HDX: variants seen among roughly 807,000 people sequenced by gnomAD.
The protein encoded by HDX is highly divergent homeobox, also known as chromosome X open reading frame 43.
A neutral mutation model predicts 45.2 loss-of-function variants in HDX; 19 were observed. The observed-to-expected ratio is 0.42, with a 90% confidence interval of 0.29 to 0.62. The LOEUF is 0.62. Ranked by LOEUF, HDX falls within the 20% of genes least tolerant of loss-of-function variation. HDX has a pLI of 0.20. For synonymous variants in HDX, 188 were observed against 172.8 expected, an observed-to-expected ratio of 1.09 and a Z score of -0.69; for missense variants, 532 against 493.9, an observed-to-expected ratio of 1.08 and a Z score of -0.73.
chrX:84,372,596 A>G (rs1349010170), intron 5 of HDX, among the ~76,000 whole-genome samples: 3 of 112,166 alleles, frequency 2.7e-5, no homozygotes, highest in South Asian at 3.6e-4. Context: ...ATCTCATTGC[A>G]TTGTGTAAGT....
intron 5 of HDX, among the ~76,000 whole-genome samples, chrX:84,379,669 A>T (rs1423981673): frequency 1.8e-5 from 2 of 111,302 alleles, no homozygotes; most frequent in South Asian, 3.7e-4. Context: ...AAACTTTAAA[A>T]TTTTTTTGAA....
rs1041337416 is a variant in HDX, at chrX:84,317,922, A to T, written c.*3967T>A. 9.0e-6 allele frequency: 1 copy of T among 110,726 alleles called. No individual in the cohort carries two copies. Among genetic ancestry groups the T allele is most frequent in the Non-Finnish European group, 1.9e-5 (1 of 52,548 alleles). 9.1% of individuals were successfully genotyped at this position (110,726 alleles called of 1,213,427 possible). ...TGCCTCTATAAAAGTTTAAATAAAAACTCTACAAAAATTCACATTACAGTC... is the reference window on the plus strand; with the variant it reads ...TGCCTCTATAAAAGTTTAAATAAAATCTCTACAAAAATTCACATTACAGTC... On this transcript the variant is annotated 3_prime_UTR_variant, in exon 11 of 11. Transcript: ENST00000373177.
At chrX:84,443,411 A>G (rs540803037) in intron 4 of HDX, among the ~76,000 whole-genome samples, 2 of 111,975 alleles carry the variant, frequency 1.8e-5, no homozygotes, top group East Asian at 5.6e-4. Flanking sequence ...AAACTATGAA[A>G]TAAATCTTCA....
At chrX:84,453,862 T>C (rs896385366) in intron 4 of HDX, among the ~76,000 whole-genome samples, 9 of 111,834 alleles carry the variant, frequency 8.0e-5, no homozygotes, top group Non-Finnish European at 1.5e-4. Context: ...GAAGACTTTG[T>C]CTTGCAACTT....
chrX:84,444,003 A>G (rs766198253), intron 4 of HDX, among the ~76,000 whole-genome samples: 2 of 111,629 alleles, frequency 1.8e-5, no homozygotes, highest in South Asian at 7.4e-4. Flanking sequence ...AAACTGTTAA[A>G]TGTCACAAGG....
chrX:84,436,522 G>A (rs1170443129), intron 5 of HDX, among the ~76,000 whole-genome samples: 6 of 111,566 alleles, frequency 5.4e-5, no homozygotes, highest in Admixed American at 4.7e-4. Flanking sequence ...GGTATGTTGT[G>A]TTTCTATTTT....
intron 5 of HDX, among the ~76,000 whole-genome samples, chrX:84,375,333 G>T: frequency 1.8e-5 from 2 of 110,681 alleles, no homozygotes. Flanking sequence ...GGAAGTCAGT[G>T]TGGCGATTCC....
Position 84,321,719 on chromosome X carries a change from T to C in HDX, c.*170A>G, listed in dbSNP as rs2036600348. 3.3e-6 allele frequency: 1 copy of C among 302,621 alleles called. No homozygotes were observed. Among genetic ancestry groups the C allele is most frequent in the Non-Finnish European group, 5.9e-6 (1 of 169,210 alleles). 24.9% of individuals were successfully genotyped at this position (302,621 alleles called of 1,213,427 possible). On this transcript the variant is annotated 3_prime_UTR_variant, in exon 11 of 11. Transcript: ENST00000373177. ...ACAATGCTTTTAAATTTCACCTACA[T>C]TTTTGTTGCACTGTAGCCATTATAT...
chrX:84,443,067 G>A (rs2039796795), intron 4 of HDX, among the ~76,000 whole-genome samples: 1 of 109,820 alleles, frequency 9.1e-6, no homozygotes, highest in South Asian at 3.7e-4. Context: ...TTTGGAAGAA[G>A]TTTCACTTTT....
At chrX:84,498,137 G>A (rs2041047145) in intron 1 of HDX, among the ~76,000 whole-genome samples, 1 of 111,434 alleles carries the variant, frequency 9.0e-6, no homozygotes, top group Admixed American at 9.5e-5. Context: ...GACACCTTTT[G>A]TGAAACAAAA....
At chrX:84,338,922 C>A (rs1373948925) in intron 7 of HDX, among the ~76,000 whole-genome samples, 1 of 111,284 alleles carries the variant, frequency 9.0e-6, no homozygotes, top group African/African-American at 3.3e-5. Context: ...GTAAGACCTG[C>A]CTGCTTCCCT....
intron 9 of HDX, among the ~76,000 whole-genome samples, chrX:84,326,728 A>G (rs566920400): frequency 9.1e-6 from 1 of 110,409 alleles, no homozygotes. Flanking sequence ...CCTGGCCAAC[A>G]TGGTGAAACC....
chrX:84,382,610 C>T (rs1359857218), intron 5 of HDX, among the ~76,000 whole-genome samples: 1 of 111,574 alleles, frequency 9.0e-6, no homozygotes, highest in Non-Finnish European at 1.9e-5. Flanking sequence ...ACAAATATCA[C>T]ATGTTCTCAG....
chrX:84,395,187 T>C (rs1458267924), intron 5 of HDX, among the ~76,000 whole-genome samples: 1 of 111,204 alleles, frequency 9.0e-6, no homozygotes, highest in East Asian at 2.8e-4. Flanking sequence ...TTTGTATGTA[T>C]TCATGATGAT....
Position 84,320,905 on chromosome X carries a change from T to C in HDX, c.*984A>G, listed in dbSNP as rs2036584245. On this transcript the variant is annotated 3_prime_UTR_variant, in exon 11 of 11. Coordinates refer to ENST00000373177, the MANE Select transcript of HDX (RefSeq NM_001177479.2). ...ACAACCAAAGTAGTATAACTCTTTT[T>C]GAATACTATCCTTGGCTGATGGCTC... 1 of 110,846 alleles carries C rather than the reference T, an allele frequency of 9.0e-6. No homozygotes were observed. Among genetic ancestry groups the C allele is most frequent in the Non-Finnish European group, 1.9e-5 (1 of 52,421 alleles). The allele number at this position is 110,846 out of a possible 1,213,427, so 9.1% of individuals were successfully genotyped here.
chrX:84,427,919 G>T (rs1191821008), intron 5 of HDX, among the ~76,000 whole-genome samples: 2 of 110,547 alleles, frequency 1.8e-5, no homozygotes, highest in African/African-American at 6.6e-5. Flanking sequence ...GCAGTCTCAG[G>T]GTTCCAATTC....
chrX:84,394,948 G>A (rs1381920498), intron 5 of HDX, among the ~76,000 whole-genome samples: 1 of 110,657 alleles, frequency 9.0e-6, no homozygotes, highest in Non-Finnish European at 1.9e-5. Context: ...TTTTTATTCA[G>A]CATGTCTACA....
Position 84,468,752 on chromosome X carries a change from G to A in HDX, c.971C>T (p.Ser324Leu), listed in dbSNP as rs779813452. ...ASMRAQIPSY[S>L]RFYESGSSLR... is the part of the protein sequence containing the mutation. ...GGAACTGCCACTTTCATAAAATCTC[G>A]AATAGCTTGGTATCTGTGCTCTCAT... Residue 324 changes from serine to leucine, a missense_variant, in exon 4 of 11, where the codon TCG (serine) becomes TTG (leucine). Ser to Leu is a moderately radical substitution (Grantham distance 145). This residue lies in a region of HDX where 376 missense variants were observed against 343.7 expected (regional missense o/e 1.09). Transcript: ENST00000373177. 20 of 1,211,252 alleles carry A rather than the reference G, an allele frequency of 1.7e-5. No individual in the cohort carries two copies. In the South Asian group the frequency reaches 2.5e-4, roughly 15 times the overall value.
chrX:84,409,922 G>A (rs766113872), intron 5 of HDX, among the ~76,000 whole-genome samples: 17 of 107,751 alleles, frequency 1.6e-4, no homozygotes, highest in Non-Finnish European at 2.9e-4. Context: ...GTGTGATGGC[G>A]GGTGCCTGTA....
Sources: allele counts gnomAD v4.1 joint callset (sites outside exome capture counted in the v4.1 genomes callset), GRCh38; gene constraint gnomAD v4.1.1; regional missense constraint gnomAD v4.1.1; transcripts MANE v1.5; gene names NCBI Gene and HGNC (gene_info 2026-07-23, HGNC 2026-07-21).